Variants in CDH13 observed in about 807,000 individuals in gnomAD.
CDH13 encodes the protein cadherin-13.
Under a neutral mutation model 63.8 loss-of-function variants are expected in CDH13, and 24 were observed. That is an observed-to-expected ratio of 0.38 (90% CI 0.27 to 0.53). The LOEUF is 0.53. Ranked by LOEUF, CDH13 falls within the 20% of genes least tolerant of loss-of-function variation. The probability of loss-of-function intolerance (pLI) is 0.85; values close to 1 mark genes in which losing one functional copy is unlikely to be tolerated. For missense variants in CDH13, 1,049 were observed against 903.1 expected, an observed-to-expected ratio of 1.16 and a Z score of -2.07; for synonymous variants, 503 against 355.3, an observed-to-expected ratio of 1.42 and a Z score of -4.67.
At chr16:83,661,207 C>G (rs1913411039) in intron 8 of CDH13, among the ~76,000 whole-genome samples, 2 of 152,180 alleles carry the variant, frequency 1.3e-5, no homozygotes, top group South Asian at 2.1e-4. Context: ...AACATTCTTG[C>G]TGGACTCAGT....
intron 2 of CDH13, among the ~76,000 whole-genome samples, chr16:82,991,012 T>G (rs1397032989): frequency 6.6e-6 from 1 of 152,206 alleles, no homozygotes; most frequent in Non-Finnish European, 1.5e-5. Flanking sequence ...AGGGCAGTAG[T>G]GGTGCCTACC....
intron 5 of CDH13, among the ~76,000 whole-genome samples, chr16:83,232,396 A>T (rs923629383): frequency 1.3e-5 from 2 of 151,702 alleles, no homozygotes; most frequent in Non-Finnish European, 2.9e-5. Context: ...ATGATGGCGC[A>T]TGCCTGTAAT....
At chr16:82,820,972 C>T (rs1354659398) in intron 1 of CDH13, among the ~76,000 whole-genome samples, 1 of 152,088 alleles carries the variant, frequency 6.6e-6, no homozygotes, top group Non-Finnish European at 1.5e-5. Flanking sequence ...AGGGGTAGAG[C>T]TTGGTGACTT....
chr16:82,651,674 T>G (rs1403451971), intron 1 of CDH13, among the ~76,000 whole-genome samples: 2 of 152,218 alleles, frequency 1.3e-5, no homozygotes, highest in Admixed American at 1.3e-4. Context: ...GGTACGCCAT[T>G]GGAACAAAGC....
At chr16:83,475,201 A>G (rs2073570166) in intron 6 of CDH13, among the ~76,000 whole-genome samples, 1 of 152,256 alleles carries the variant, frequency 6.6e-6, no homozygotes, top group African/African-American at 2.4e-5. Flanking sequence ...GGTTCTGTGC[A>G]ACTGTGCAGG....
chr16:83,271,422 TAAAAAAAAAAAAAAAAA>T (rs56382330), intron 5 of CDH13, among the ~76,000 whole-genome samples: 4 of 26,034 alleles, frequency 1.5e-4, no homozygotes, highest in South Asian at 2.1e-3. Flanking sequence ...GCAGAGTTCA[TAAAAAAAAAAAAAAAAA>T]AAAAAAAAAA....
chr16:82,979,545 T>A (rs1288454643), intron 2 of CDH13, among the ~76,000 whole-genome samples: 1 of 152,122 alleles, frequency 6.6e-6, no homozygotes, highest in Non-Finnish European at 1.5e-5. Flanking sequence ...AAAGGGCGTT[T>A]CCCCCTTTTG....
chr16:83,171,632 AT>A, intron 4 of CDH13: 1 of 1,312,358 alleles, frequency 7.6e-7, no homozygotes, highest in South Asian at 1.3e-5. Context: ...TGTGTCTCCA[AT>A]TTCCTATATG....
intron 3 of CDH13, among the ~76,000 whole-genome samples, chr16:83,087,176 AT>A (rs1324875304): frequency 1.1e-4 from 17 of 152,286 alleles, no homozygotes; most frequent in African/African-American, 3.6e-4. Flanking sequence ...AGTAAAATTG[AT>A]TTTTTTAATT....
chr16:83,781,501 T>G (rs765569827), intron 12 of CDH13, among the ~76,000 whole-genome samples: 3 of 152,224 alleles, frequency 2.0e-5, no homozygotes, highest in Non-Finnish European at 2.9e-5. Flanking sequence ...CATTTTCTAT[T>G]TAAAAATCTC....
chr16:83,519,335 C>T (rs901575256), intron 7 of CDH13, among the ~76,000 whole-genome samples: 2 of 152,170 alleles, frequency 1.3e-5, no homozygotes, highest in African/African-American at 4.8e-5. Flanking sequence ...AACATATGAA[C>T]ACAACACAGC....
chr16:83,465,415 G>C (rs553873531), intron 6 of CDH13, among the ~76,000 whole-genome samples: 1 of 152,316 alleles, frequency 6.6e-6, no homozygotes, highest in African/African-American at 2.4e-5. Context: ...AGTTGGAATA[G>C]CTCTTTTGAA....
At chr16:82,699,083 A>C (rs999934471) in intron 1 of CDH13, among the ~76,000 whole-genome samples, 1 of 152,186 alleles carries the variant, frequency 6.6e-6, no homozygotes, top group Admixed American at 6.5e-5. Context: ...AATAATATAC[A>C]ATATTCTGTT....
At chr16:83,164,865 C>T (rs2037596597) in intron 4 of CDH13, among the ~76,000 whole-genome samples, 1 of 148,344 alleles carries the variant, frequency 6.7e-6, no homozygotes, top group Non-Finnish European at 1.5e-5. Flanking sequence ...TAGTGTCACG[C>T]CCTCACAAAG....
chr16:83,244,390 T>C (rs923228797), intron 5 of CDH13, among the ~76,000 whole-genome samples: 1 of 152,178 alleles, frequency 6.6e-6, no homozygotes, highest in African/African-American at 2.4e-5. Flanking sequence ...GGATTTCTAT[T>C]TCCCATAAGT....
At chr16:83,713,150 A>T (rs1269861966) in intron 10 of CDH13, among the ~76,000 whole-genome samples, 1 of 152,216 alleles carries the variant, frequency 6.6e-6, no homozygotes, top group Non-Finnish European at 1.5e-5. Flanking sequence ...CAGCAAACAG[A>T]TCAACCTGGG....
At chr16:83,621,645 C>T (rs900597620) in intron 8 of CDH13, among the ~76,000 whole-genome samples, 1 of 151,756 alleles carries the variant, frequency 6.6e-6, no homozygotes, top group Non-Finnish European at 1.5e-5. Flanking sequence ...TGCCACCATA[C>T]CCGGCTAATT....
At chr16:83,100,658 C>T (rs1490854545) in intron 3 of CDH13, among the ~76,000 whole-genome samples, 1 of 152,188 alleles carries the variant, frequency 6.6e-6, no homozygotes, top group Non-Finnish European at 1.5e-5. Flanking sequence ...ATAACCTATT[C>T]TTGCTGTATC....
chr16:83,408,233 G>T (rs971407106), intron 6 of CDH13, among the ~76,000 whole-genome samples: 2 of 152,118 alleles, frequency 1.3e-5, no homozygotes, highest in Non-Finnish European at 2.9e-5. Flanking sequence ...AAGAAATTCT[G>T]CATGTTCCAT....
Sources: allele counts gnomAD v4.1 joint callset (sites outside exome capture counted in the v4.1 genomes callset), GRCh38; gene constraint gnomAD v4.1.1; transcripts MANE v1.5; gene names NCBI Gene and HGNC (gene_info 2026-07-23, HGNC 2026-07-21).